The following SIPA1L3 variants were observed in gnomAD, a reference collection of about 807,000 sequenced individuals.
SIPA1L3 encodes signal induced proliferation associated 1 like 3.
Under a neutral mutation model 150.1 loss-of-function variants are expected in SIPA1L3, and 59 were observed. The ratio of observed to expected loss-of-function variants is 0.39; its 90% confidence interval spans 0.32 to 0.49. The LOEUF (loss-of-function observed/expected upper bound fraction) is 0.49, where lower values mean the gene tolerates loss of function less well. Among genes scored for constraint, SIPA1L3 ranks in the 20% least tolerant of loss-of-function variants. SIPA1L3 has a pLI of 0.86. For synonymous variants in SIPA1L3, 1,070 were observed against 1,077.6 expected (o/e 0.99, Z 0.14); for missense variants, 2,211 against 2,489.5 (o/e 0.89, Z 2.38).
intron 8 of SIPA1L3, among the ~76,000 whole-genome samples, chr19:38,111,935 GCACATGCACA>G (rs1970760156): frequency 6.6e-6 from 1 of 150,686 alleles, no homozygotes; most frequent in African/African-American, 2.4e-5. Flanking sequence ...GTGCACACAT[GCACATGCACA>G]CACATACATG....
chr19:37,953,245 GA>G (rs1383489121), intron 1 of SIPA1L3, among the ~76,000 whole-genome samples: 2 of 151,934 alleles, frequency 1.3e-5, no homozygotes, highest in Non-Finnish European at 2.9e-5. Flanking sequence ...TTCCTCTTTG[GA>G]AAAAAACATT....
rs79134502 is a variant in SIPA1L3 at position 38,153,094 on chromosome 19, C to T, written c.3661+127C>T. 5.0e-4 allele frequency: 626 copies of T among 1,257,202 alleles called. 2 individuals carry two copies. In the African/African-American group the frequency reaches 8.5e-3, roughly 17 times the overall value. 77.9% of individuals were successfully genotyped at this position (1,257,202 alleles called of 1,614,324 possible). ...ATAAAACACAAAAGAAAGCTGTAAGCGCCACATGTAAGACTAGAGAGGGCA... is the reference window on the plus strand; with the variant it reads ...ATAAAACACAAAAGAAAGCTGTAAGTGCCACATGTAAGACTAGAGAGGGCA... On this transcript the variant is annotated intron_variant, in intron 13 of 21. Transcript: ENST00000222345.
chr19:38,165,996 A>G (rs1250074047), intron 15 of SIPA1L3, among the ~76,000 whole-genome samples: 2 of 151,988 alleles, frequency 1.3e-5, no homozygotes, highest in Non-Finnish European at 2.9e-5. Context: ...CTCCTGACCT[A>G]AAGGGATCCT....
At chr19:37,938,515 GT>G (rs1955930590) in intron 1 of SIPA1L3, among the ~76,000 whole-genome samples, 1 of 152,028 alleles carries the variant, frequency 6.6e-6, no homozygotes, top group South Asian at 2.1e-4. Flanking sequence ...TCTCATTGTG[GT>G]TAATTTACCC....
At chr19:37,925,845 G>A (rs1323832758) in intron 1 of SIPA1L3, among the ~76,000 whole-genome samples, 2 of 152,082 alleles carry the variant, frequency 1.3e-5, no homozygotes, top group African/African-American at 4.8e-5. Context: ...ACCCTCCTTG[G>A]CCTCCCAAAG....
At chr19:38,188,685 G>T (rs2146037299) in intron 16 of SIPA1L3, among the ~76,000 whole-genome samples, 1 of 152,144 alleles carries the variant, frequency 6.6e-6, no homozygotes, top group Non-Finnish European at 1.5e-5. Context: ...CACTTTGGGA[G>T]GCCGAGGCGG....
At chr19:37,942,001 G>A (rs559429741) in intron 1 of SIPA1L3, among the ~76,000 whole-genome samples, 1 of 152,148 alleles carries the variant, frequency 6.6e-6, no homozygotes, top group Non-Finnish European at 1.5e-5. Context: ...TATATTGCAC[G>A]ATATCTAAGG....
At chr19:38,178,502 G>T (rs1396803339) in intron 15 of SIPA1L3, among the ~76,000 whole-genome samples, 1 of 151,956 alleles carries the variant, frequency 6.6e-6, no homozygotes, top group Non-Finnish European at 1.5e-5. Flanking sequence ...TTGAGATGGA[G>T]TCTCACTCTG....
intron 12 of SIPA1L3, among the ~76,000 whole-genome samples, chr19:38,151,451 A>G (rs1484544579): frequency 6.6e-6 from 1 of 152,108 alleles, no homozygotes; most frequent in Admixed American, 6.5e-5. Flanking sequence ...AGGGACCTGG[A>G]AGTGTGTCCT....
chr19:38,049,783 G>T (rs1969148108), intron 2 of SIPA1L3, among the ~76,000 whole-genome samples: 1 of 152,114 alleles, frequency 6.6e-6, no homozygotes, highest in African/African-American at 2.4e-5. Flanking sequence ...TCCCCCGAGA[G>T]CACAGGAGGG....
At chr19:37,994,695 A>G (rs1274970100) in intron 1 of SIPA1L3, among the ~76,000 whole-genome samples, 1 of 152,190 alleles carries the variant, frequency 6.6e-6, no homozygotes, top group Non-Finnish European at 1.5e-5. Context: ...TACCTGTGAT[A>G]GTGGTAATAA....
intron 3 of SIPA1L3, among the ~76,000 whole-genome samples, chr19:38,088,402 T>A (rs1250203880): frequency 1.3e-5 from 2 of 152,226 alleles, no homozygotes; most frequent in Admixed American, 1.3e-4. Flanking sequence ...CTGTACTAAG[T>A]GTTTCATATT....
At chr19:38,096,992 G>A (rs774833405) in intron 4 of SIPA1L3, among the ~76,000 whole-genome samples, 2 of 152,178 alleles carry the variant, frequency 1.3e-5, no homozygotes, top group African/African-American at 4.8e-5. Flanking sequence ...TCAGCCTCTC[G>A]CAACAGCATA....
chr19:38,084,867 T>C (rs1427708066), intron 3 of SIPA1L3, among the ~76,000 whole-genome samples: 4 of 152,074 alleles, frequency 2.6e-5, no homozygotes. Context: ...CTCGAACTCC[T>C]GACCTCAGGT....
At chr19:38,015,627 G>A (rs968077483) in intron 1 of SIPA1L3, among the ~76,000 whole-genome samples, 4 of 151,508 alleles carry the variant, frequency 2.6e-5, no homozygotes, top group Non-Finnish European at 5.9e-5. Context: ...AGGTAGCTGT[G>A]GTGGGAGGAC....
intron 16 of SIPA1L3, among the ~76,000 whole-genome samples, chr19:38,188,424 T>A (rs1972734736): frequency 2.0e-5 from 3 of 151,552 alleles, no homozygotes; most frequent in Non-Finnish European, 2.9e-5. Flanking sequence ...ACCTCAAGTG[T>A]TCCACCTGCC....
At chr19:38,197,644 AT>A (rs1027472843) in intron 18 of SIPA1L3, among the ~76,000 whole-genome samples, 2 of 151,554 alleles carry the variant, frequency 1.3e-5, no homozygotes, top group African/African-American at 4.9e-5. Context: ...CCAGAAACAG[AT>A]TTCTGATCCC....
chr19:37,938,038 C>T (rs2046617505), intron 1 of SIPA1L3, among the ~76,000 whole-genome samples: 1 of 152,026 alleles, frequency 6.6e-6, no homozygotes, highest in African/African-American at 2.4e-5. Context: ...CAGAGCAAGA[C>T]TCCACCTCAA....
intron 2 of SIPA1L3, among the ~76,000 whole-genome samples, chr19:38,070,988 A>G (rs988359103): frequency 1.3e-5 from 2 of 152,110 alleles, no homozygotes; most frequent in Non-Finnish European, 2.9e-5. Flanking sequence ...TCTACCTCTA[A>G]GCAAAGGCCT....
Sources: allele counts gnomAD v4.1 joint callset (sites outside exome capture counted in the v4.1 genomes callset), GRCh38; gene constraint gnomAD v4.1.1; transcripts MANE v1.5; gene names NCBI Gene and HGNC (gene_info 2026-07-23, HGNC 2026-07-21).